The following DHX32 variants were observed in gnomAD, a reference collection of about 807,000 sequenced individuals.
DHX32 encodes putative pre-mRNA-splicing factor ATP-dependent RNA helicase DHX32.
A neutral mutation model predicts 70.0 loss-of-function variants in DHX32; 51 were observed. The ratio of observed to expected loss-of-function variants is 0.73; its 90% CI spans 0.58 to 0.92. The LOEUF is 0.92. Among genes scored for constraint, DHX32 ranks in the 40% least tolerant of loss-of-function variants. The pLI is 0.00. For synonymous variants in DHX32, 310 were observed against 315.3 expected (o/e 0.98, Z 0.18); for missense variants, 762 against 891.8 (o/e 0.85, Z 1.85).
chr10:125,849,625 G>A (rs2134040057), intron 6 of DHX32, among the ~76,000 whole-genome samples: 1 of 152,316 alleles, frequency 6.6e-6, no homozygotes, highest in Non-Finnish European at 1.5e-5. Flanking sequence ...TTTGGGCAGT[G>A]CCAGTCCTGC....
intron 4 of DHX32, 84 bp from the exon 5 acceptor site, chr10:125,852,726 A>C: frequency 8.2e-7 from 1 of 1,219,728 alleles, no homozygotes; most frequent in Non-Finnish European, 1.1e-6. Flanking sequence ...TATGCTGCGC[A>C]GTACTTTACT....
Position 125,867,119 on chromosome 10 carries a change from G to A in DHX32, c.347C>T (p.Thr116Ile). Residue 116 changes from threonine to isoleucine, a missense_variant, in exon 2 of 11, where the codon ACA (threonine) becomes ATA (isoleucine). By Grantham distance (89) the Thr-to-Ile change is moderately conservative (BLOSUM62 -1). Coordinates refer to ENST00000284690, the MANE Select transcript of DHX32 (RefSeq NM_018180.3). Reference protein sequence around the residue: ...IHYQHGGVICTQVHKQTVVQL... With the variant: ...IHYQHGGVICIQVHKQTVVQL... ...GACCACAGTCTGCTTGTGGACCTGT[G>A]TGCATATCACGCCCCCGTGCTGGTA... The A allele has an allele frequency of 6.2e-7, 1 of 1,614,176 alleles. No homozygotes were observed. Among genetic ancestry groups the A allele is most frequent in the Non-Finnish European group, 8.5e-7 (1 of 1,180,034 alleles).
chr10:125,879,310 C>T (rs1010850405), intron 1 of DHX32, among the ~76,000 whole-genome samples: 4 of 152,050 alleles, frequency 2.6e-5, no homozygotes, highest in African/African-American at 9.7e-5. Context: ...AGGTGTGAAC[C>T]ACTGCACCTG....
At chr10:125,892,449 T>C (rs1312470392) in intron 1 of DHX32, among the ~76,000 whole-genome samples, 107 of 148,386 alleles carry the variant, frequency 7.2e-4, no homozygotes, top group African/African-American at 2.7e-3. Context: ...TCATGGTCCT[T>C]AGGTTCCTTC....
chr10:125,890,422 T>C (rs1170152614), intron 1 of DHX32: 4 of 152,252 alleles, frequency 2.6e-5, no homozygotes, highest in Non-Finnish European at 4.4e-5. Context: ...AAAGTCTTTC[T>C]GGAAAAAGAT....
At position 125,838,970 on chromosome 10, in the gene DHX32, C is replaced by T. The variant is rs1317677681; in HGVS notation, c.1881+31G>A. ...CCTGAGTATGTGCAATTCAGCAGAG[C>T]CTATGCTGAGGTGACCCCACCCCTT... is the stretch of plus-strand genomic sequence containing the variant. On this transcript the variant is annotated intron_variant, in intron 9 of 10. Coordinates refer to ENST00000284690, the MANE Select transcript of DHX32 (RefSeq NM_018180.3). 3 of 1,596,198 alleles carry T rather than the reference C, an allele frequency of 1.9e-6. No homozygotes were observed. In the African/African-American group the frequency reaches 4.0e-5, roughly 21 times the overall value.
In DHX32 at chr10:125,887,321, G is replaced by A. The variant is rs181819736; in HGVS notation, c.-247-6250C>T. On this transcript the variant is annotated intron_variant, in intron 1 of 2. Transcript: ENST00000415732. Reference sequence around the variant, plus strand: ...TTAGGTGAGGCTGAGGGTGGGGTGTGGAAATAGAAATTCTTTGTCTATGAT... The same window carrying A: ...TTAGGTGAGGCTGAGGGTGGGGTGTAGAAATAGAAATTCTTTGTCTATGAT... 2.3e-3 allele frequency among the ~76,000 whole-genome samples: 356 copies of A among 152,270 alleles called. 1 individual carries two copies. The highest frequency in any genetic ancestry group is 4.5e-3 in the Non-Finnish European group (304 of 68,022).
At chr10:125,875,529 A>G (rs567823667) in intron 1 of DHX32, among the ~76,000 whole-genome samples, 3 of 152,262 alleles carry the variant, frequency 2.0e-5, no homozygotes, top group Non-Finnish European at 2.9e-5. Flanking sequence ...ATGAGTCCAC[A>G]TTGACATAAA....
intron 2 of DHX32, among the ~76,000 whole-genome samples, chr10:125,863,614 A>AT (rs931927645): frequency 2.9e-4 from 44 of 151,706 alleles, no homozygotes; most frequent in African/African-American, 9.2e-4. Flanking sequence ...CTCCCAGCTA[A>AT]TTTTTTTTGT....
rs202033867 is a variant in DHX32 at position 125,895,598 on chromosome 10, CTG to C, written c.-248+618_-248+619del. 4.0e-3 allele frequency among the ~76,000 whole-genome samples: 617 copies of C among 152,386 alleles called. 1 individual carries two copies. The highest frequency in any genetic ancestry group is 0.033 in the East Asian group (173 of 5,192). On this transcript the variant is annotated intron_variant, in intron 1 of 2. Transcript: ENST00000415732. ...CTTCCTTAAAGCAAACCCTGAATCA[CTG>C]TGTTTTAAAACCAGTATGAAAGACT...
Position 125,859,764 on chromosome 10 carries a change from CATA to C in DHX32, c.685_687del (p.Tyr229del), listed in dbSNP as rs1370610503. 2 of 1,614,064 alleles carry C rather than the reference CATA, an allele frequency of 1.2e-6. No homozygotes were observed. The highest frequency in any genetic ancestry group is 1.7e-6 in the Non-Finnish European group (2 of 1,180,010). On this transcript the variant is annotated inframe_deletion, in exon 3 of 11. Coordinates refer to ENST00000284690, the MANE Select transcript of DHX32 (RefSeq NM_018180.3). ...TTCACTTCTATGACAGGCACGTTTC[CATA>C]ATAAGAATTGAGTTTGCTGATCAGG...
At position 125,890,785 on chromosome 10, in the gene DHX32, T is replaced by G. The variant is rs527552757; in HGVS notation, c.-248+5433A>C. 1.8e-4 allele frequency: 27 copies of G among 152,314 alleles called. 1 individual carries two copies. Among genetic ancestry groups the G allele is most frequent in the African/African-American group, 6.3e-4 (26 of 41,580 alleles). The allele number at this position is 152,314 out of a possible 1,614,324, so 9.4% of individuals were successfully genotyped here. A position where few individuals can be genotyped will look rare whatever the true frequency, so the allele number is the denominator to read the frequency against. Reference sequence around the variant, plus strand: ...ACATTCTAACGGTACTTAAAAAAATTTTAGGCTTGGGGCAGTGGCTCATGC... The same window carrying G: ...ACATTCTAACGGTACTTAAAAAAATGTTAGGCTTGGGGCAGTGGCTCATGC... On this transcript the variant is annotated intron_variant, in intron 1 of 2. Transcript: ENST00000415732.
chr10:125,881,714 G>T (rs930143243), upstream of DHX32, among the ~76,000 whole-genome samples: 6 of 152,108 alleles, frequency 3.9e-5, no homozygotes, highest in African/African-American at 1.4e-4. Context: ...GCGTGATCAT[G>T]GCTCACTGCA....
At chr10:125,885,241 G>C (rs1287366007), upstream of DHX32, among the ~76,000 whole-genome samples, 1 of 152,058 alleles carries the variant, frequency 6.6e-6, no homozygotes, top group African/African-American at 2.4e-5. Flanking sequence ...TCCCACATCT[G>C]GTCCTTCGAC....
chr10:125,880,983 CCTGCAT>C lies in DHX32; in HGVS notation c.-165_-160del. ...GTTTTAGCAAGTTAAATTCCTCAAA[CCTGCAT>C]CTGTTCTCCGTTGCTGTGTTACCCA... On this transcript the variant is annotated 5_prime_UTR_variant, in exon 1 of 11. The change abolishes an upstream ATG in the 5' untranslated region. Transcript: ENST00000284690. 1.2e-6 allele frequency: 1 copy of C among 831,318 alleles called. No homozygotes were observed. The highest frequency in any genetic ancestry group is 1.8e-6 in the Non-Finnish European group (1 of 546,136). The allele number at this position is 831,318 out of a possible 1,614,324, so 51.5% of individuals were successfully genotyped here.
intron 6 of DHX32, among the ~76,000 whole-genome samples, chr10:125,844,266 A>C (rs926122119): frequency 2.0e-5 from 3 of 152,250 alleles, no homozygotes; most frequent in African/African-American, 7.2e-5. Context: ...CTGGAGTACA[A>C]ACTTAACTAC....
intron 9 of DHX32, among the ~76,000 whole-genome samples, chr10:125,838,650 T>C (rs576574591): frequency 6.6e-6 from 1 of 152,126 alleles, no homozygotes; most frequent in Non-Finnish European, 1.5e-5. Context: ...GTTTTGGCCA[T>C]GAGATGAAAC....
chr10:125,859,997 G>A lies in DHX32; in HGVS notation c.477-22C>T, dbSNP rs541986394. Reference sequence around the variant, plus strand: ...ATACCTATAAAGAAGAAACATTAAAGTTAGAATATTCTTATGCTAACTCAT... The same window carrying A: ...ATACCTATAAAGAAGAAACATTAAAATTAGAATATTCTTATGCTAACTCAT... On this transcript the variant is annotated intron_variant, in intron 2 of 10. Transcript: ENST00000284690. 1.3e-5 allele frequency: 20 copies of A among 1,508,852 alleles called. No individual in the cohort carries two copies. The Admixed American group carries it at 2.7e-4, about 20-fold the overall frequency. 93.5% of individuals were successfully genotyped at this position (1,508,852 alleles called of 1,614,324 possible).
chr10:125,853,427 TTAAAAG>T, intron 4 of DHX32: 1 of 335,336 alleles, frequency 3.0e-6, no homozygotes, highest in Non-Finnish European at 5.3e-6. Flanking sequence ...AATTTTTAAT[TTAAAAG>T]TAATAAAGAA....
Sources: gnomAD v4.1 joint callset for allele counts (sites outside exome capture counted in the v4.1 genomes callset) on GRCh38, gnomAD v4.1.1 for gene constraint, MANE v1.5 for transcripts, NCBI Gene and HGNC (gene_info 2026-07-23, HGNC 2026-07-21) for gene names.